SORBS2: variants seen among roughly 807,000 people sequenced by gnomAD.
SORBS2 encodes sorbin and SH3 domain-containing protein 2.
SORBS2 carries 46 observed loss-of-function variants against 97.7 expected under a neutral mutation model. That is an observed-to-expected ratio of 0.47 (90% CI 0.37 to 0.60). SORBS2 has a LOEUF of 0.60. Ranked by LOEUF, SORBS2 falls within the 20% of genes least tolerant of loss-of-function variation. SORBS2 has a pLI of 0.00. For synonymous variants in SORBS2, 476 were observed against 473.4 expected (o/e 1.01, Z -0.07); for missense variants, 1,316 against 1,282.3 (o/e 1.03, Z -0.40).
intron 1 of SORBS2, among the ~76,000 whole-genome samples, chr4:185,890,904 T>C (rs2099242140): frequency 6.6e-6 from 1 of 152,168 alleles, no homozygotes; most frequent in Non-Finnish European, 1.5e-5. Flanking sequence ...TTGTATGTTT[T>C]ATAGTATTGA....
At chr4:185,680,728 C>T (rs1024505508) in intron 2 of SORBS2, among the ~76,000 whole-genome samples, 5 of 151,990 alleles carry the variant, frequency 3.3e-5, no homozygotes, top group Non-Finnish European at 7.4e-5. Flanking sequence ...CTTGGAGGTG[C>T]AAGGGTGCAG....
At chr4:185,827,988 TC>T (rs2099202843) in intron 1 of SORBS2, among the ~76,000 whole-genome samples, 1 of 22,934 alleles carries the variant, frequency 4.4e-5, no homozygotes, top group East Asian at 4.4e-4. Context: ...ACCATCATCA[TC>T]ATCATCACCA....
chr4:185,639,219 AC>A (rs2097087614), intron 4 of SORBS2, among the ~76,000 whole-genome samples, 184 bp from the exon 14 acceptor site: 1 of 152,188 alleles, frequency 6.6e-6, no homozygotes, highest in Admixed American at 6.5e-5. Flanking sequence ...AGCCCTGCCC[AC>A]CAGGAGTGGA....
intron 2 of SORBS2, among the ~76,000 whole-genome samples, chr4:185,732,200 G>A (rs2098646176): frequency 6.6e-6 from 1 of 151,856 alleles, no homozygotes; most frequent in African/African-American, 2.4e-5. Flanking sequence ...AAACTCCCAG[G>A]CATTCCGTCA....
At chr4:185,639,151 G>T (rs2097084759) in intron 4 of SORBS2, 116 bp from the exon 14 acceptor site, 3 of 928,398 alleles carry the variant, frequency 3.2e-6, no homozygotes, top group Non-Finnish European at 4.7e-6. Flanking sequence ...AGAGGCCTCC[G>T]GACGGCGAAG....
chr4:185,671,566 G>T (rs2097712423), intron 4 of SORBS2, among the ~76,000 whole-genome samples: 1 of 152,168 alleles, frequency 6.6e-6, no homozygotes, highest in African/African-American at 2.4e-5. Context: ...ACAGTGCCTG[G>T]TGTGCTGTAA....
At chr4:185,683,550 C>T (rs2097905791) in intron 2 of SORBS2, among the ~76,000 whole-genome samples, 1 of 152,126 alleles carries the variant, frequency 6.6e-6, no homozygotes, top group African/African-American at 2.4e-5. Context: ...TTTTCTAACA[C>T]CTTTTTATGT....
intron 2 of SORBS2, among the ~76,000 whole-genome samples, chr4:185,714,166 T>C (rs1363678426): frequency 1.3e-5 from 2 of 152,254 alleles, no homozygotes; most frequent in Non-Finnish European, 2.9e-5. Flanking sequence ...TGATGAGGCA[T>C]TGCTTTATCA....
At chr4:185,674,870 G>T (rs1007837558) in intron 4 of SORBS2, among the ~76,000 whole-genome samples, 1 of 152,018 alleles carries the variant, frequency 6.6e-6, no homozygotes, top group African/African-American at 2.4e-5. Context: ...ATGATATCTG[G>T]TCTCCACATC....
intron 12 of SORBS2, among the ~76,000 whole-genome samples, chr4:185,594,177 G>A (rs1315975877): frequency 6.6e-6 from 1 of 152,144 alleles, no homozygotes; most frequent in African/African-American, 2.4e-5. Flanking sequence ...AATCTAGTCT[G>A]CTCAAGCTTT....
At chr4:185,586,313 A>T (rs2095801111) in exon 15 of SORBS2, 1 of 152,650 alleles carries the variant, frequency 6.6e-6, no homozygotes, top group Non-Finnish European at 1.5e-5. Flanking sequence ...TCCCAATATC[A>T]TTTTTTAAAT....
At chr4:185,846,430 T>C (rs763219948) in intron 1 of SORBS2, among the ~76,000 whole-genome samples, 2 of 152,190 alleles carry the variant, frequency 1.3e-5, no homozygotes, top group Non-Finnish European at 2.9e-5. Flanking sequence ...CAAGGACCCT[T>C]TTTGAAGAGA....
intron 1 of SORBS2, among the ~76,000 whole-genome samples, chr4:185,791,721 A>G (rs2099080899): frequency 2.0e-5 from 3 of 151,864 alleles, no homozygotes. Context: ...AAAAAATAAG[A>G]TTGTTTTTCC....
At chr4:185,894,541 A>C (rs2099244065) in intron 1 of SORBS2, among the ~76,000 whole-genome samples, 1 of 152,178 alleles carries the variant, frequency 6.6e-6, no homozygotes, top group South Asian at 2.1e-4. Context: ...GTCCATACCA[A>C]TTACATCACA....
At chr4:185,735,843 C>T (rs922714341) in intron 2 of SORBS2, among the ~76,000 whole-genome samples, 1 of 152,124 alleles carries the variant, frequency 6.6e-6, no homozygotes, top group African/African-American at 2.4e-5. Flanking sequence ...TAACACATAT[C>T]CCAGAAAAAT....
chr4:185,713,743 T>C (rs2153550620), intron 2 of SORBS2, among the ~76,000 whole-genome samples: 1 of 152,328 alleles, frequency 6.6e-6, no homozygotes, highest in East Asian at 1.9e-4. Context: ...ATTTAGTGAG[T>C]AGAATCTGTA....
chr4:185,874,471 C>T (rs761014302), intron 1 of SORBS2, among the ~76,000 whole-genome samples: 10 of 152,070 alleles, frequency 6.6e-5, no homozygotes, highest in Non-Finnish European at 1.3e-4. Context: ...AAAATAAGGG[C>T]CCCAAAGATG....
At chr4:185,928,646 T>G (rs34194389) in intron 1 of SORBS2, among the ~76,000 whole-genome samples, 1 of 151,786 alleles carries the variant, frequency 6.6e-6, no homozygotes, top group Non-Finnish European at 1.5e-5. Context: ...CCTGGGTTCA[T>G]GCCATTCTCC....
chr4:185,901,393 G>T (rs1166770437), intron 1 of SORBS2, among the ~76,000 whole-genome samples: 1 of 152,068 alleles, frequency 6.6e-6, no homozygotes, highest in East Asian at 1.9e-4. Context: ...TAGTAGAAAC[G>T]GGGTTTCTCC....
Sources: gnomAD v4.1 joint callset for allele counts (sites outside exome capture counted in the v4.1 genomes callset) on GRCh38, gnomAD v4.1.1 for gene constraint, MANE v1.5 for transcripts, NCBI Gene and HGNC (gene_info 2026-07-23, HGNC 2026-07-21) for gene names.